ADRA1B: variants seen among roughly 807,000 people sequenced by gnomAD.
ADRA1B encodes adrenoceptor alpha 1B.
ADRA1B carries 17 observed loss-of-function variants against 17.9 expected under a neutral mutation model. The observed-to-expected ratio is 0.95, with a 90% CI of 0.65 to 1.42. The LOEUF (loss-of-function observed/expected upper bound fraction) is 1.42, where lower values mean the gene tolerates loss of function less well. Among genes scored for constraint, ADRA1B ranks in the 40% most tolerant of loss-of-function variants. The probability of loss-of-function intolerance (pLI) is 0.00; values close to 1 mark genes in which losing one functional copy is unlikely to be tolerated. For synonymous variants in ADRA1B, 366 were observed against 327.6 expected (o/e 1.12, Z -1.27); for missense variants, 681 against 722.1 (o/e 0.94, Z 0.65).
intron 1 of ADRA1B, among the ~76,000 whole-genome samples, chr5:159,882,015 A>G (rs1193574233): frequency 6.6e-6 from 1 of 152,128 alleles, no homozygotes; most frequent in Non-Finnish European, 1.5e-5. Flanking sequence ...GATCCTAGCC[A>G]TCTCTGGAAA....
chr5:159,983,831 A>G, the ADRA1B span, among the ~76,000 whole-genome samples: 211 of 151,774 alleles, frequency 1.4e-3, no homozygotes, highest in African/African-American at 4.7e-3. Context: ...CCAGTTACCA[A>G]ACTACTCTGG....
intron 1 of ADRA1B, chr5:159,869,424 G>A (rs1023688413): frequency 2.6e-5 from 4 of 152,162 alleles, no homozygotes; most frequent in Admixed American, 2.6e-4. Flanking sequence ...GGTGTCCACA[G>A]GTAAAATTAC....
chr5:159,866,035 C>T (rs1272058581), intron 1 of ADRA1B, among the ~76,000 whole-genome samples: 1 of 152,054 alleles, frequency 6.6e-6, no homozygotes, highest in Non-Finnish European at 1.5e-5. Context: ...TAATTCATTC[C>T]TAAAACAAAC....
chr5:159,883,472 A>C (rs1753885230), intron 1 of ADRA1B, among the ~76,000 whole-genome samples: 1 of 152,242 alleles, frequency 6.6e-6, no homozygotes, highest in Non-Finnish European at 1.5e-5. Flanking sequence ...TACAAGACTT[A>C]AAGGGCAACT....
intron 1 of ADRA1B, among the ~76,000 whole-genome samples, chr5:159,943,458 A>G (rs1755189074): frequency 1.3e-5 from 2 of 152,116 alleles, no homozygotes; most frequent in East Asian, 3.9e-4. Flanking sequence ...CAGTTCCTCT[A>G]GTTTAAGACC....
Position 159,917,515 on chromosome 5 carries a change from GC to G in ADRA1B, c.613del (p.Leu205SerfsTer16). ...CGGGGTCACCGAAGAACCCTTCTAT[GC>G]CCTCTTCTCCTCTCTGGGCTCCTTC... ...ECGVTEEPFY[A>X]LFSSLGSFYI... is the part of the protein sequence containing the mutation. On this transcript the variant is annotated frameshift_variant, in exon 1 of 2. Transcript: ENST00000306675. LOFTEE classifies it high-confidence loss of function. 1 of 1,614,030 alleles carries G rather than the reference GC, an allele frequency of 6.2e-7. No individual in the cohort carries two copies.
At chr5:159,905,981 A>T (rs188695484) in intron 1 of ADRA1B, among the ~76,000 whole-genome samples, 4 of 152,058 alleles carry the variant, frequency 2.6e-5, no homozygotes, top group Non-Finnish European at 5.9e-5. Flanking sequence ...CAGCCTCCCA[A>T]ATAGCTGGGA....
intron 1 of ADRA1B, among the ~76,000 whole-genome samples, chr5:159,882,494 C>A (rs1048394744): frequency 2.5e-4 from 38 of 152,274 alleles, no homozygotes; most frequent in East Asian, 2.3e-3. Flanking sequence ...TACTGGTTCC[C>A]AGCTGTGCTG....
chr5:159,971,081 C>A (rs781354805), intron 1 of ADRA1B, among the ~76,000 whole-genome samples: 11 of 152,210 alleles, frequency 7.2e-5, no homozygotes, highest in Non-Finnish European at 1.3e-4. Context: ...GGATTACAGG[C>A]ATGAGCCACT....
upstream of ADRA1B, among the ~76,000 whole-genome samples, chr5:159,913,823 G>A (rs1488834272): frequency 6.6e-6 from 1 of 152,094 alleles, no homozygotes. Flanking sequence ...CAGGGAAGTG[G>A]GAAATGGGCC....
At chr5:159,875,911 G>C (rs936156410) in intron 1 of ADRA1B, among the ~76,000 whole-genome samples, 2 of 147,624 alleles carry the variant, frequency 1.4e-5, no homozygotes, top group African/African-American at 5.1e-5. Context: ...AACAAGGGCC[G>C]GGCATGGTGG....
intron 1 of ADRA1B, among the ~76,000 whole-genome samples, chr5:159,933,828 A>G (rs1420547814): frequency 1.3e-5 from 2 of 152,238 alleles, no homozygotes; most frequent in Non-Finnish European, 2.9e-5. Context: ...AAATAAAAGA[A>G]AACACTGTTG....
intron 1 of ADRA1B, among the ~76,000 whole-genome samples, chr5:159,898,274 G>A (rs1311265747): frequency 2.6e-5 from 4 of 152,230 alleles, no homozygotes; most frequent in African/African-American, 9.6e-5. Flanking sequence ...GGTTCCCTGT[G>A]AACACAGAGA....
intron 1 of ADRA1B, chr5:159,955,033 C>T: frequency 3.4e-6 from 2 of 579,972 alleles, no homozygotes; most frequent in South Asian, 7.5e-5. Context: ...CTTGCTGGAA[C>T]CTGGAGAATG....
At chr5:159,949,251 G>A (rs1454083438) in intron 1 of ADRA1B, among the ~76,000 whole-genome samples, 3 of 152,078 alleles carry the variant, frequency 2.0e-5, no homozygotes, top group Non-Finnish European at 2.9e-5. Context: ...TACTCAATTT[G>A]TATTGTTCAT....
downstream of ADRA1B, among the ~76,000 whole-genome samples, chr5:159,974,416 C>T (rs762617251): frequency 2.6e-5 from 4 of 152,160 alleles, no homozygotes; most frequent in Admixed American, 1.3e-4. Context: ...GGGTGGATCA[C>T]CTGAGGTCAG....
chr5:159,971,858 C>A, intron 1 of ADRA1B, 21 bp from the exon 2 acceptor site: 10 of 322,316 alleles, frequency 3.1e-5, no homozygotes, highest in South Asian at 6.9e-5. Flanking sequence ...CTGCCCGTGC[C>A]CACCCCCCTC....
At chr5:159,922,814 G>T (rs1754525781) in intron 1 of ADRA1B, among the ~76,000 whole-genome samples, 1 of 152,230 alleles carries the variant, frequency 6.6e-6, no homozygotes, top group Non-Finnish European at 1.5e-5. Flanking sequence ...ACGATATAAT[G>T]GTGAGCGAAA....
chr5:159,914,972 G>A (rs1754266088), upstream of ADRA1B, among the ~76,000 whole-genome samples: 1 of 152,122 alleles, frequency 6.6e-6, no homozygotes. Flanking sequence ...CTGAACCACT[G>A]TTTCTCATCT....
Sources: allele counts gnomAD v4.1 joint callset (sites outside exome capture counted in the v4.1 genomes callset), GRCh38; gene constraint gnomAD v4.1.1; transcripts MANE v1.5; gene names NCBI Gene and HGNC (gene_info 2026-07-23, HGNC 2026-07-21).